The following AKNA variants were observed in gnomAD, a reference collection of about 807,000 sequenced individuals.
AKNA encodes AT-hook transcription factor.
In AKNA, 67 loss-of-function variants were observed where a neutral mutation model predicts 138.8. The ratio of observed to expected loss-of-function variants is 0.48; its 90% CI spans 0.40 to 0.59. AKNA has a LOEUF of 0.59. AKNA is among the 20% of genes least tolerant of loss of function. The pLI is 0.00. For synonymous variants in AKNA, 737 were observed against 754.4 expected, an observed-to-expected ratio of 0.98 and a Z score of 0.38; for missense variants, 1,813 against 1,880.4, an observed-to-expected ratio of 0.96 and a Z score of 0.66.
chr9:114,397,092 CAT>C (rs1315292088), upstream of AKNA, among the ~76,000 whole-genome samples: 8 of 152,312 alleles, frequency 5.3e-5, no homozygotes, highest in South Asian at 6.2e-4. Flanking sequence ...GCCCCAATCA[CAT>C]GTTTTAAATG....
intron 21 of AKNA, among the ~76,000 whole-genome samples, chr9:114,338,924 C>T (rs1234772190): frequency 6.6e-6 from 1 of 152,164 alleles, no homozygotes; most frequent in African/African-American, 2.4e-5. Context: ...TGCTAATTGG[C>T]AAGCAGCAGA....
intron 1 of AKNA, among the ~76,000 whole-genome samples, chr9:114,385,794 C>A (rs1833989679): frequency 6.6e-6 from 1 of 152,204 alleles, no homozygotes; most frequent in Non-Finnish European, 1.5e-5. Context: ...ACTGGCCAGT[C>A]AGCTAGTCAG....
downstream of AKNA, chr9:114,330,854 C>G (rs768895749): frequency 5.0e-6 from 8 of 1,613,636 alleles, no homozygotes; most frequent in East Asian, 1.3e-4. Context: ...GGGACCGTCT[C>G]CAGATACGGT....
chr9:114,353,389 G>C (rs1008141911), intron 14 of AKNA, among the ~76,000 whole-genome samples: 1 of 151,854 alleles, frequency 6.6e-6, no homozygotes, highest in Non-Finnish European at 1.5e-5. Flanking sequence ...TCAGCCTCCT[G>C]AGTAGCTGGG....
At chr9:114,385,377 C>A (rs1019635524) in intron 1 of AKNA, among the ~76,000 whole-genome samples, 28 of 152,310 alleles carry the variant, frequency 1.8e-4, no homozygotes, top group Admixed American at 1.4e-3. Flanking sequence ...CAGGGCCTGC[C>A]CTTTGAAGTT....
downstream of AKNA, chr9:114,331,833 G>A (rs1829858183): frequency 6.2e-7 from 1 of 1,613,580 alleles, no homozygotes; most frequent in African/African-American, 1.3e-5. Context: ...CAGCTGACAA[G>A]CCAGAGACGA....
At chr9:114,384,927 G>A (rs1833925973) in intron 1 of AKNA, among the ~76,000 whole-genome samples, 1 of 152,128 alleles carries the variant, frequency 6.6e-6, no homozygotes, top group Non-Finnish European at 1.5e-5. Context: ...AGAGCTCACT[G>A]TAGCCTTGAC....
chr9:114,374,894 A>C (rs1833054262), intron 3 of AKNA, among the ~76,000 whole-genome samples: 1 of 152,252 alleles, frequency 6.6e-6, no homozygotes, highest in African/African-American at 2.4e-5. Context: ...TTGGTAACCA[A>C]GTAGTTGATG....
At chr9:114,352,487 CTCG>C (rs1831195615) in intron 14 of AKNA, among the ~76,000 whole-genome samples, 2 of 151,920 alleles carry the variant, frequency 1.3e-5, no homozygotes, top group Non-Finnish European at 2.9e-5. Context: ...GTCCCAGCTA[CTCG>C]CGAGGCTGAG....
intron 21 of AKNA, among the ~76,000 whole-genome samples, chr9:114,339,691 G>A (rs767320235): frequency 3.3e-5 from 5 of 152,204 alleles, no homozygotes; most frequent in Admixed American, 6.5e-5. Context: ...ACTGGCAGGC[G>A]CTTTCCCCCG....
At chr9:114,366,818 G>A (rs917015393) in intron 6 of AKNA, among the ~76,000 whole-genome samples, 2 of 152,058 alleles carry the variant, frequency 1.3e-5, no homozygotes, top group Admixed American at 6.5e-5. Flanking sequence ...GCATGGTAGT[G>A]CATGTAACTA....
downstream of AKNA, chr9:114,330,810 T>C (rs1829838750): frequency 1.9e-6 from 3 of 1,614,012 alleles, no homozygotes; most frequent in South Asian, 3.3e-5. Flanking sequence ...AGTGCTTCTA[T>C]AACTCCAGTT....
chr9:114,337,330 C>T (rs200451069), intron 21 of AKNA, 24 bp from the exon 22 acceptor site: 830 of 1,417,588 alleles, frequency 5.9e-4, no homozygotes, highest in Non-Finnish European at 7.1e-4. Context: ...TGAGTGGGCT[C>T]GTTACACATG....
chr9:114,343,954 ACAT>A (rs1189936593), intron 18 of AKNA, 151 bp from the exon 19 acceptor site: 15 of 646,200 alleles, frequency 2.3e-5, no homozygotes, highest in Non-Finnish European at 3.5e-5. Flanking sequence ...GTGCATACAC[ACAT>A]CATGTGTAAA....
At chr9:114,378,978 C>T (rs1039536590) in intron 2 of AKNA, among the ~76,000 whole-genome samples, 5 of 152,244 alleles carry the variant, frequency 3.3e-5, no homozygotes, top group African/African-American at 7.2e-5. Context: ...GATGCCTCTA[C>T]GTCTCTTAAC....
chr9:114,350,057 C>T (rs1830996545), intron 15 of AKNA, among the ~76,000 whole-genome samples: 1 of 152,154 alleles, frequency 6.6e-6, no homozygotes. Context: ...TCTGTTCATC[C>T]TACAAGATGG....
rs773042012 is a variant in AKNA, at chr9:114,350,890, G to C, written c.3190C>G (p.Pro1064Ala). Reference protein sequence around the residue: ...PLPCGPTETIPSFLLTRAGRD... With the variant: ...PLPCGPTETIASFLLTRAGRD... ...CCTGCCCTGGTGAGCAGGAAGCTGGGGATGGTCTCTGTTGGTCCACAGGGT... is the reference window on the plus strand; with the variant it reads ...CCTGCCCTGGTGAGCAGGAAGCTGGCGATGGTCTCTGTTGGTCCACAGGGT... The change falls in exon 15 of 22, where the codon CCC becomes GCC. Residue 1064 changes from proline (P) to alanine (A), a missense_variant. Physicochemically the swap from Pro to Ala is conservative, Grantham distance 27. Coordinates refer to ENST00000374088, the MANE Select transcript of AKNA (RefSeq NM_001317950.2). 1.3e-6 allele frequency: 2 copies of C among 1,591,656 alleles called. No individual in the cohort carries two copies. The highest frequency in any genetic ancestry group is 1.7e-6 in the Non-Finnish European group (2 of 1,168,960).
rs1421284195 is a variant in AKNA, at chr9:114,381,097, C to T, written c.237G>A (p.Gly79=). The change falls in exon 2 of 22, where the codon GGG becomes GGA. Residue 79 remains glycine (G), a synonymous_variant. Transcript: ENST00000374088. ...TCTCTCCTGACTCGGAATCCTGATG[C>T]CCATCGGGCTGCGGGTGTGGGTCCC... The part of the protein sequence containing the change: ...LEWDPHPQPD[G]HQDSESGETS... 16 of 1,595,356 alleles carry T rather than the reference C, an allele frequency of 1.0e-5. No individual in the cohort carries two copies. The Admixed American group carries it at 2.1e-4, about 21-fold the overall frequency.
chr9:114,369,809 A>C (rs1378223228), intron 4 of AKNA, among the ~76,000 whole-genome samples: 1 of 152,040 alleles, frequency 6.6e-6, no homozygotes, highest in Non-Finnish European at 1.5e-5. Context: ...CATCACCATC[A>C]CTATCACCAT....
Sources: gnomAD v4.1 joint callset for allele counts (sites outside exome capture counted in the v4.1 genomes callset) on GRCh38, gnomAD v4.1.1 for gene constraint, MANE v1.5 for transcripts, NCBI Gene and HGNC (gene_info 2026-07-23, HGNC 2026-07-21) for gene names.